Variants in CACNA2D3 observed in about 807,000 individuals in gnomAD.
CACNA2D3 encodes the protein voltage-dependent calcium channel subunit alpha-2/delta-3.
In CACNA2D3, 60 loss-of-function variants were observed where a neutral mutation model predicts 160.6. That is an observed-to-expected ratio of 0.37 (90% CI 0.30 to 0.46). The LOEUF is 0.46. CACNA2D3 is among the 20% of genes least tolerant of loss of function. The pLI, the probability that CACNA2D3 is intolerant of heterozygous loss-of-function variation, is 1.00. For synonymous variants in CACNA2D3, 558 were observed against 492.9 expected (o/e 1.13, Z -1.75); for missense variants, 1,205 against 1,365.0 (o/e 0.88, Z 1.85).
At chr3:54,889,854 A>G (rs987087720) in intron 24 of CACNA2D3, among the ~76,000 whole-genome samples, 1 of 152,156 alleles carries the variant, frequency 6.6e-6, no homozygotes, top group Non-Finnish European at 1.5e-5. Flanking sequence ...GGCTCTCATG[A>G]AACTCAAAAT....
intron 11 of CACNA2D3, among the ~76,000 whole-genome samples, chr3:54,696,371 G>A (rs1448740799): frequency 6.6e-6 from 1 of 152,160 alleles, no homozygotes; most frequent in Non-Finnish European, 1.5e-5. Context: ...CTGACATTAG[G>A]AAACTATTTT....
chr3:54,550,485 G>T (rs1702138738), intron 5 of CACNA2D3, among the ~76,000 whole-genome samples: 1 of 152,222 alleles, frequency 6.6e-6, no homozygotes, highest in African/African-American at 2.4e-5. Flanking sequence ...AATGTGGGCG[G>T]TCAAGGATAC....
chr3:54,774,609 T>G (rs1379182140), intron 13 of CACNA2D3, among the ~76,000 whole-genome samples: 2 of 151,586 alleles, frequency 1.3e-5, no homozygotes, highest in Non-Finnish European at 2.9e-5. Flanking sequence ...CCCAATATTA[T>G]TTTGACTTGC....
chr3:54,626,383 A>G (rs945132839), intron 9 of CACNA2D3: 41 of 1,567,452 alleles, frequency 2.6e-5, no homozygotes, highest in Non-Finnish European at 3.4e-5. Context: ...CTCCCTGCTG[A>G]AGTGCCTGCG....
At chr3:54,625,962 T>G (rs1559530647) in intron 9 of CACNA2D3, among the ~76,000 whole-genome samples, 2 of 151,924 alleles carry the variant, frequency 1.3e-5, no homozygotes, top group African/African-American at 4.8e-5. Flanking sequence ...GCCTGGGGCG[T>G]TGTTGGGTGT....
intron 2 of CACNA2D3, among the ~76,000 whole-genome samples, chr3:54,155,817 G>T (rs1271806433): frequency 6.6e-6 from 1 of 152,220 alleles, no homozygotes; most frequent in Admixed American, 6.5e-5. Flanking sequence ...TCATTCAGGA[G>T]CAGGGCAACT....
intron 4 of CACNA2D3, among the ~76,000 whole-genome samples, chr3:54,454,262 G>A (rs1218671628): frequency 6.6e-6 from 1 of 152,060 alleles, no homozygotes; most frequent in African/African-American, 2.4e-5. Context: ...CACTTTAAGT[G>A]TACAATTTGA....
At chr3:54,149,899 C>T (rs1700107335) in intron 2 of CACNA2D3, among the ~76,000 whole-genome samples, 1 of 73,820 alleles carries the variant, frequency 1.4e-5, no homozygotes, top group Non-Finnish European at 2.8e-5. Flanking sequence ...CTCTCTCTCT[C>T]TCTCTCTCTC....
At chr3:54,428,881 T>A (rs1035759174) in intron 4 of CACNA2D3, among the ~76,000 whole-genome samples, 1 of 152,236 alleles carries the variant, frequency 6.6e-6, no homozygotes, top group African/African-American at 2.4e-5. Context: ...TTTTCCTTTT[T>A]ACAGATTTAT....
At chr3:54,243,425 A>G (rs80285952) in intron 2 of CACNA2D3, among the ~76,000 whole-genome samples, 1 of 152,152 alleles carries the variant, frequency 6.6e-6, no homozygotes, top group African/African-American at 2.4e-5. Flanking sequence ...TTAGCTATTC[A>G]TGACTTTCCT....
At chr3:54,374,885 A>G (rs1429560779) in intron 3 of CACNA2D3, among the ~76,000 whole-genome samples, 1 of 151,888 alleles carries the variant, frequency 6.6e-6, no homozygotes, top group East Asian at 1.9e-4. Flanking sequence ...ACATCTAGAT[A>G]ACATCAATAA....
chr3:54,387,290 T>C (rs970753891), intron 4 of CACNA2D3, among the ~76,000 whole-genome samples: 4 of 152,218 alleles, frequency 2.6e-5, no homozygotes, highest in African/African-American at 7.2e-5. Context: ...CTATGTCTGA[T>C]AGAGAAGGAT....
chr3:54,668,437 A>C (rs1158344412), intron 11 of CACNA2D3, among the ~76,000 whole-genome samples: 1 of 152,108 alleles, frequency 6.6e-6, no homozygotes, highest in Non-Finnish European at 1.5e-5. Flanking sequence ...ATGTGGGTTC[A>C]CCTCCGCCAT....
In CACNA2D3 at chr3:55,033,827, T is replaced by TTTATA. The variant is rs1390816217; in HGVS notation, c.2987+15511_2987+15512insTATAT. On this transcript the variant is annotated intron_variant, in intron 35 of 37. Transcript: ENST00000474759. Reference sequence around the variant, plus strand: ...AATATGTATTATATATTAAATATATTTAATATATAATATATATTACATATT... The same window carrying TTTATA: ...AATATGTATTATATATTAAATATATTTTATATAATATATAATATATATTACATATT... Among the ~76,000 whole-genome samples, 57 of 78,698 alleles carry TTTATA rather than the reference T, an allele frequency of 7.2e-4. 16 individuals are homozygous for TTTATA. The highest frequency in any genetic ancestry group is 1.4e-3 in the East Asian group (5 of 3,598). The allele number at this position is 78,698 out of a possible 152,430, so 51.6% of individuals were successfully genotyped here.
chr3:55,029,009 C>T (rs901978992), intron 35 of CACNA2D3, among the ~76,000 whole-genome samples: 1 of 152,122 alleles, frequency 6.6e-6, no homozygotes, highest in African/African-American at 2.4e-5. Flanking sequence ...TTCAGAAAAC[C>T]ATAGTTCAGG....
chr3:54,281,212 T>A (rs1304217508), intron 2 of CACNA2D3, among the ~76,000 whole-genome samples: 1 of 152,198 alleles, frequency 6.6e-6, no homozygotes, highest in Non-Finnish European at 1.5e-5. Flanking sequence ...TAAGGCGATG[T>A]TGAGCAAAAC....
chr3:54,746,860 G>A (rs180806067), intron 11 of CACNA2D3, among the ~76,000 whole-genome samples: 2 of 152,218 alleles, frequency 1.3e-5, no homozygotes, highest in Admixed American at 6.5e-5. Context: ...CAGACAGCTG[G>A]GTACAGATCT....
chr3:54,785,835 T>C (rs192375828), intron 13 of CACNA2D3, among the ~76,000 whole-genome samples: 1 of 152,206 alleles, frequency 6.6e-6, no homozygotes, highest in East Asian at 1.9e-4. Context: ...TTGATTCCAC[T>C]CTCAGTATAC....
intron 13 of CACNA2D3, among the ~76,000 whole-genome samples, chr3:54,769,922 G>GC (rs1475682272): frequency 6.6e-6 from 1 of 152,132 alleles, no homozygotes; most frequent in Non-Finnish European, 1.5e-5. Flanking sequence ...GGGGGTGGGT[G>GC]CCTGGGTCAG....
Sources: allele counts gnomAD v4.1 joint callset (sites outside exome capture counted in the v4.1 genomes callset), GRCh38; gene constraint gnomAD v4.1.1; transcripts MANE v1.5; gene names NCBI Gene and HGNC (gene_info 2026-07-23, HGNC 2026-07-21).